The following PLCL1 variants were observed in gnomAD, a reference collection of about 807,000 sequenced individuals.
The protein encoded by PLCL1 is phospholipase C like 1 (inactive).
Under a neutral mutation model 84.4 loss-of-function variants are expected in PLCL1, and 41 were observed. That is an observed-to-expected ratio of 0.49 (90% CI 0.38 to 0.63). The LOEUF is 0.63. PLCL1 is among the 30% of genes least tolerant of loss of function. PLCL1 has a pLI of 0.00. For synonymous variants in PLCL1, 490 were observed against 488.3 expected (o/e 1.00, Z -0.05); for missense variants, 1,206 against 1,367.8 (o/e 0.88, Z 1.87).
intron 1 of PLCL1, among the ~76,000 whole-genome samples, chr2:197,834,260 A>G (rs1691134299): frequency 6.6e-6 from 1 of 152,220 alleles, no homozygotes; most frequent in Admixed American, 6.5e-5. Flanking sequence ...CTTCATGACT[A>G]AAACACCAAA....
chr2:197,850,512 AT>A (rs1387443825), intron 1 of PLCL1, among the ~76,000 whole-genome samples: 2 of 152,110 alleles, frequency 1.3e-5, no homozygotes, highest in Non-Finnish European at 2.9e-5. Context: ...CAAGCTTATA[AT>A]TTTTAGTAAT....
chr2:198,008,306 G>C (rs1301027377), intron 1 of PLCL1, among the ~76,000 whole-genome samples: 1 of 151,964 alleles, frequency 6.6e-6, no homozygotes, highest in Non-Finnish European at 1.5e-5. Context: ...GCAGCAGATT[G>C]CTACAACTTT....
At chr2:197,833,989 C>T (rs546755356) in intron 1 of PLCL1, among the ~76,000 whole-genome samples, 1 of 152,146 alleles carries the variant, frequency 6.6e-6, no homozygotes, top group Non-Finnish European at 1.5e-5. Flanking sequence ...TGGAACAGAA[C>T]AGAGGCCTCA....
At chr2:197,906,476 A>G (rs1688384622) in intron 1 of PLCL1, among the ~76,000 whole-genome samples, 1 of 152,014 alleles carries the variant, frequency 6.6e-6, no homozygotes, top group African/African-American at 2.4e-5. Flanking sequence ...CTTGTAGTAT[A>G]GTTTGAAGTC....
intron 1 of PLCL1, among the ~76,000 whole-genome samples, chr2:198,033,461 T>C (rs1435076750): frequency 6.6e-6 from 1 of 152,158 alleles, no homozygotes; most frequent in Admixed American, 6.5e-5. Flanking sequence ...GATTGGGAGA[T>C]ATTGGGTGTT....
chr2:197,870,827 C>T (rs940190120), intron 1 of PLCL1, among the ~76,000 whole-genome samples: 16 of 151,988 alleles, frequency 1.1e-4, no homozygotes, highest in African/African-American at 3.4e-4. Flanking sequence ...ATAGGAGTGA[C>T]GCTCTTCCTT....
At chr2:197,850,881 A>T (rs916405600) in intron 1 of PLCL1, among the ~76,000 whole-genome samples, 1 of 152,212 alleles carries the variant, frequency 6.6e-6, no homozygotes, top group Non-Finnish European at 1.5e-5. Context: ...GGAGAGTTTC[A>T]TGGCCATGAA....
chr2:198,109,379 C>T (rs1693562727), intron 5 of PLCL1, among the ~76,000 whole-genome samples: 1 of 151,790 alleles, frequency 6.6e-6, no homozygotes, highest in South Asian at 2.1e-4. Flanking sequence ...GATATTATTG[C>T]ATTGGGGATT....
rs188939402 is a variant in PLCL1, at chr2:198,052,742, T to C, written c.241-31016T>C. 4.4e-3 allele frequency among the ~76,000 whole-genome samples: 676 copies of C among 152,316 alleles called. 5 individuals carry two copies. Among genetic ancestry groups the C allele is most frequent in the African/African-American group, 0.016 (647 of 41,566 alleles). ...CAAATCCCACCTGGGAAGTGCTCAC[T>C]CATTCCAGGTAAGACAGGCTTTGCT... is the stretch of plus-strand genomic sequence containing the variant. On this transcript the variant is annotated intron_variant, in intron 1 of 5. Transcript: ENST00000428675.
At chr2:198,113,605 G>C (rs1693672508) in intron 5 of PLCL1, among the ~76,000 whole-genome samples, 1 of 151,908 alleles carries the variant, frequency 6.6e-6, no homozygotes, top group South Asian at 2.1e-4. Context: ...GTACAGTGGT[G>C]AGTAAATATT....
chr2:198,074,275 C>A (rs1406969037), intron 1 of PLCL1, among the ~76,000 whole-genome samples: 2 of 152,166 alleles, frequency 1.3e-5, no homozygotes, highest in Admixed American at 6.5e-5. Flanking sequence ...CTTATTTCCA[C>A]TTAAGCTGGT....
At chr2:198,122,687 C>A (rs2105929030) in intron 5 of PLCL1, among the ~76,000 whole-genome samples, 1 of 152,094 alleles carries the variant, frequency 6.6e-6, no homozygotes, top group Non-Finnish European at 1.5e-5. Context: ...TAGAGAAAAT[C>A]AGAATATTCA....
At chr2:197,987,545 C>T (rs1168909951) in intron 1 of PLCL1, among the ~76,000 whole-genome samples, 2 of 152,176 alleles carry the variant, frequency 1.3e-5, no homozygotes, top group East Asian at 3.9e-4. Flanking sequence ...GATCCCTGAT[C>T]TAGACTAGGA....
chr2:198,139,786 T>A (rs1269177258), intron 5 of PLCL1, among the ~76,000 whole-genome samples: 1 of 152,140 alleles, frequency 6.6e-6, no homozygotes, highest in East Asian at 1.9e-4. Context: ...AAATGAAAAC[T>A]AAGGTGCAAG....
intron 1 of PLCL1, among the ~76,000 whole-genome samples, chr2:197,985,296 G>T (rs1389901745): frequency 6.6e-6 from 1 of 152,208 alleles, no homozygotes; most frequent in Non-Finnish European, 1.5e-5. Flanking sequence ...GCTTAGAGAA[G>T]AAAGAGAAAT....
intron 1 of PLCL1, among the ~76,000 whole-genome samples, chr2:197,881,297 T>C (rs1687823099): frequency 6.6e-6 from 1 of 152,192 alleles, no homozygotes; most frequent in African/African-American, 2.4e-5. Context: ...ATCTTGCAAA[T>C]TAATGTAAAA....
At chr2:198,076,232 C>T (rs1692574662) in intron 1 of PLCL1, among the ~76,000 whole-genome samples, 1 of 151,676 alleles carries the variant, frequency 6.6e-6, no homozygotes, top group African/African-American at 2.4e-5. Flanking sequence ...ATTTTTGCTT[C>T]CAAGTGAAGA....
intron 1 of PLCL1, among the ~76,000 whole-genome samples, chr2:197,832,617 A>G (rs1691091205): frequency 6.6e-6 from 1 of 152,204 alleles, no homozygotes; most frequent in Admixed American, 6.5e-5. Context: ...ATTCCAAACA[A>G]TAGAAAAAGA....
At position 198,067,127 on chromosome 2, in the gene PLCL1, CT is replaced by C. The variant is rs536395932; in HGVS notation, c.241-16614del. Among the ~76,000 whole-genome samples the C allele has an allele frequency of 6.7e-3, 918 of 136,434 alleles. 1 individual carries two copies. The highest frequency in any genetic ancestry group is 0.014 in the African/African-American group (504 of 36,836). 89.5% of individuals were successfully genotyped at this position (136,434 alleles called of 152,430 possible). A position where few individuals can be genotyped will look rare whatever the true frequency, so the allele number is the denominator to read the frequency against. On this transcript the variant is annotated intron_variant, in intron 1 of 5. Transcript: ENST00000428675. ...ACCATGTCCTCTTTTTTGTGGCCCT[CT>C]TTTTTTTTTTTTTTTTAGAGACGGA...
Sources: allele counts gnomAD v4.1 joint callset (sites outside exome capture counted in the v4.1 genomes callset), GRCh38; gene constraint gnomAD v4.1.1; transcripts MANE v1.5; gene names NCBI Gene and HGNC (gene_info 2026-07-23, HGNC 2026-07-21).